Variants in CEBPZ observed in about 807,000 individuals in gnomAD.
CEBPZ encodes the protein CCAAT/enhancer-binding protein zeta.
A neutral mutation model predicts 104.5 loss-of-function variants in CEBPZ; 78 were observed. The ratio of observed to expected loss-of-function variants is 0.75; its 90% CI spans 0.62 to 0.90. The LOEUF is 0.90. CEBPZ is among the 40% of genes least tolerant of loss of function. The pLI, the probability that CEBPZ is intolerant of heterozygous loss-of-function variation, is 0.00. For missense variants in CEBPZ, 1,439 were observed against 1,233.5 expected (o/e 1.17, Z -2.50); for synonymous variants, 470 against 427.0 (o/e 1.10, Z -1.24).
intron 12 of CEBPZ, chr2:37,211,492 T>C (rs1177701346): frequency 4.2e-6 from 1 of 238,114 alleles, no homozygotes; most frequent in Non-Finnish European, 8.0e-6. Flanking sequence ...AGATAAAATA[T>C]TCACCTTCAT....
rs768860967 is a variant in CEBPZ at position 37,223,236 on chromosome 2, A to G, written c.1815T>C (p.Ala605=). ...TAAGGATCTCAGACACAAGATATAA[A>G]GCTCCACATATAAATGGTGGCATCT... ...CQQMPPFICG[A]LYLVSEILKA... Residue 605 remains alanine, a synonymous_variant, in exon 3 of 16, where the codon GCT becomes GCC. Transcript: ENST00000234170. 8.1e-6 allele frequency: 13 copies of G among 1,614,084 alleles called. No homozygotes were observed. The East Asian group carries it at 2.2e-4, about 28-fold the overall frequency.
chr2:37,219,952 T>C (rs1026728387), intron 5 of CEBPZ, among the ~76,000 whole-genome samples: 2 of 152,196 alleles, frequency 1.3e-5, no homozygotes, highest in African/African-American at 2.4e-5. Flanking sequence ...ATGTGGACTT[T>C]TAATGTTTAT....
intron 5 of CEBPZ, among the ~76,000 whole-genome samples, chr2:37,218,221 C>G (rs539752544): frequency 6.6e-6 from 1 of 151,210 alleles, no homozygotes; most frequent in Non-Finnish European, 1.5e-5. Flanking sequence ...GAGCTGAGAT[C>G]GCACCACCGC....
At position 37,231,584 on chromosome 2, in the gene CEBPZ, G is replaced by A. The variant is rs376918726; in HGVS notation, c.-17C>T. Reference sequence around the variant, plus strand: ...TGCGGCCATGGCGGGCAAAGCATACGCGCGTGAAACTCAGCCTATTTCCGC... The same window carrying A: ...TGCGGCCATGGCGGGCAAAGCATACACGCGTGAAACTCAGCCTATTTCCGC... On this transcript the variant is annotated 5_prime_UTR_variant, in exon 1 of 16. Coordinates refer to ENST00000234170, the MANE Select transcript of CEBPZ (RefSeq NM_005760.3). 2.3e-4 allele frequency: 379 copies of A among 1,614,214 alleles called. 2 individuals are homozygous for A. In the African/African-American group the frequency reaches 4.4e-3, roughly 19 times the overall value.
intron 13 of CEBPZ, chr2:37,203,716 TTTGTAGTCCTCCAA>T (rs1179700312): frequency 6.6e-6 from 1 of 152,224 alleles, no homozygotes; most frequent in Non-Finnish European, 1.5e-5. Flanking sequence ...CCTGGTGCCA[TTTGTAGTCCTCCAA>T]CCCATCTCCG....
chr2:37,212,133 C>T, intron 11 of CEBPZ, 94 bp from the exon 12 acceptor site: 1 of 1,164,422 alleles, frequency 8.6e-7, no homozygotes, highest in Non-Finnish European at 1.2e-6. Context: ...TTAAATGACT[C>T]AGAAGGAGAA....
Position 37,227,573 on chromosome 2 carries a change from T to C in CEBPZ, c.1620A>G (p.Ile540Met), listed in dbSNP as rs2148363054. 1 of 1,613,158 alleles carries C rather than the reference T, an allele frequency of 6.2e-7. No homozygotes were observed. The change falls in exon 2 of 16, where the codon ATA (isoleucine) becomes ATG (methionine). Residue 540 changes from isoleucine (I) to methionine (M), a missense_variant. Transcript: ENST00000234170. ...ATAATGCTGTGTAATATCGATCCGA[T>C]ATTGTCTGCTGAGAATTCATTACTT... ...LFQVMNSQQT[I>M]SDRYYTALYR... is the part of the protein sequence containing the mutation.
Position 37,211,931 on chromosome 2 carries a change from TC to T in CEBPZ, c.2711del (p.Gly904GlufsTer22). 1.2e-6 allele frequency: 2 copies of T among 1,613,704 alleles called. No homozygotes were observed. Among genetic ancestry groups the T allele is most frequent in the Non-Finnish European group, 1.7e-6 (2 of 1,179,846 alleles). On this transcript the variant is annotated frameshift_variant, in exon 12 of 16. Coordinates refer to ENST00000234170, the MANE Select transcript of CEBPZ (RefSeq NM_005760.3). LOFTEE classifies it high-confidence loss of function. ...GNLDDDEVSL[G>X]SMDDEEFAEV... ...CAGCAAATTCTTCATCATCCATACTTCCTAAAGAAACTTCATCGTCATCCAG... is the reference window on the plus strand; with the variant it reads ...CAGCAAATTCTTCATCATCCATACTTCTAAAGAAACTTCATCGTCATCCAG...
At chr2:37,224,879 G>GT (rs1464518829) in intron 2 of CEBPZ, among the ~76,000 whole-genome samples, 2 of 152,172 alleles carry the variant, frequency 1.3e-5, no homozygotes, top group Non-Finnish European at 2.9e-5. Flanking sequence ...TTGGCAAATA[G>GT]TAATTTCAAA....
At chr2:37,216,099 T>C (rs748099620) in intron 8 of CEBPZ, 41 bp downstream of exon 8, 38 of 1,399,912 alleles carry the variant, frequency 2.7e-5, no homozygotes, top group Non-Finnish European at 3.3e-5. Context: ...CTTTGTCTTA[T>C]ATTGTCTTTT....
rs767270012 is a variant in CEBPZ at position 37,223,275 on chromosome 2, T to G, written c.1776A>C (p.Gln592His). 2.5e-6 allele frequency: 4 copies of G among 1,614,154 alleles called. No homozygotes were observed. The highest frequency in any genetic ancestry group is 1.1e-5 in the South Asian group (1 of 91,084). ...RVKAFVKRLL[Q>H]VTCQQMPPFI... ...ATGGTGGCATCTGTTGACAAGTAAC[T>G]TGAAGTAACCTCTTCACAAAAGCCT... is the stretch of plus-strand genomic sequence containing the variant. The change falls in exon 3 of 16, where the codon CAA (glutamine) becomes CAC (histidine). Residue 592 changes from glutamine (Q) to histidine (H), a missense_variant. Coordinates refer to ENST00000234170, the MANE Select transcript of CEBPZ (RefSeq NM_005760.3).
chr2:37,225,326 AAAGG>A, intron 2 of CEBPZ, among the ~76,000 whole-genome samples: 1 of 152,278 alleles, frequency 6.6e-6, no homozygotes, highest in Admixed American at 6.5e-5. Flanking sequence ...AGTGTGGGGA[AAAGG>A]AAGAGAGATC....
At chr2:37,212,440 T>G (rs199723915) in intron 10 of CEBPZ, 48 bp from the exon 11 acceptor site, 2 of 1,456,312 alleles carry the variant, frequency 1.4e-6, no homozygotes, top group African/African-American at 2.8e-5. Flanking sequence ...ATGACAAGCT[T>G]GACATATATC....
chr2:37,220,327 A>G, intron 5 of CEBPZ, 58 bp downstream of exon 5: 1 of 572,358 alleles, frequency 1.7e-6, no homozygotes, highest in Non-Finnish European at 2.6e-6. Flanking sequence ...AAAAAAAAAA[A>G]AATATATATA....
chr2:37,216,347 T>C lies in CEBPZ; in HGVS notation c.2280A>G (p.Val760=), dbSNP rs751101221. The change falls in exon 7 of 16, where the codon GTA becomes GTG. Residue 760 remains valine, a synonymous_variant. Coordinates refer to ENST00000234170, the MANE Select transcript of CEBPZ (RefSeq NM_005760.3). The part of the protein sequence containing the change: ...FTLMRFLDRF[V]YRNPKPHKGK... The stretch of plus-strand genomic sequence containing the variant: ...CTTTATGGGGCTTTGGATTTCGGTA[T>C]ACAAATCGATCCAAAAATCTCATTA... The C allele has an allele frequency of 2.4e-5, 38 of 1,613,770 alleles. No homozygotes were observed. The highest frequency in any genetic ancestry group is 1.7e-4 in the Middle Eastern group (1 of 6,056).
chr2:37,212,542 C>T (rs1470250184), intron 10 of CEBPZ, 150 bp from the exon 11 acceptor site: 12 of 667,710 alleles, frequency 1.8e-5, no homozygotes, highest in African/African-American at 7.2e-5. Flanking sequence ...GCTAGTGTGC[C>T]TTAATAATGT....
intron 11 of CEBPZ, 102 bp from the exon 12 acceptor site, chr2:37,212,141 G>T: frequency 8.9e-7 from 1 of 1,122,806 alleles, no homozygotes; most frequent in Middle Eastern, 2.1e-4. Context: ...CTCAGAAGGA[G>T]AAAGCTTTGC....
intron 13 of CEBPZ, among the ~76,000 whole-genome samples, chr2:37,207,442 G>C (rs1211976614): frequency 1.3e-5 from 2 of 152,084 alleles, no homozygotes; most frequent in Non-Finnish European, 2.9e-5. Flanking sequence ...AACTGAAATT[G>C]TATCAAGTAC....
intron 13 of CEBPZ, among the ~76,000 whole-genome samples, chr2:37,206,448 A>G (rs1392184193): frequency 2.0e-5 from 3 of 152,172 alleles, no homozygotes; most frequent in Non-Finnish European, 4.4e-5. Context: ...ACCTCTGCCT[A>G]ATGGGTTCAA....
Sources: allele counts gnomAD v4.1 joint callset (sites outside exome capture counted in the v4.1 genomes callset), GRCh38; gene constraint gnomAD v4.1.1; transcripts MANE v1.5; gene names NCBI Gene and HGNC (gene_info 2026-07-23, HGNC 2026-07-21).